EME1: variants seen among roughly 807,000 people sequenced by gnomAD.
EME1 encodes the protein essential meiotic structure-specific endonuclease 1.
EME1 carries 61 observed loss-of-function variants against 59.1 expected under a neutral mutation model. The observed-to-expected ratio is 1.03, with a 90% CI of 0.84 to 1.28. EME1 has a LOEUF of 1.28. EME1 is among the 50% of genes most tolerant of loss of function. The pLI is 0.00. For synonymous variants in EME1, 230 were observed against 254.2 expected (o/e 0.90, Z 0.90); for missense variants, 635 against 682.6 (o/e 0.93, Z 0.78).
intron 3 of EME1, among the ~76,000 whole-genome samples, chr17:50,377,578 G>A (rs766726211): frequency 3.3e-4 from 50 of 152,096 alleles, no homozygotes; most frequent in Non-Finnish European, 6.3e-4. Context: ...AGTTTCCCTT[G>A]TGATTCTTGT....
At chr17:50,376,961 G>A (rs1177737980) in intron 3 of EME1, among the ~76,000 whole-genome samples, 1 of 152,130 alleles carries the variant, frequency 6.6e-6, no homozygotes, top group Non-Finnish European at 1.5e-5. Flanking sequence ...TGTTGCCCAG[G>A]CTGGTCTTCA....
intron 2 of EME1, 38 bp downstream of exon 2, chr17:50,376,021 G>A (rs749348779): frequency 1.2e-6 from 2 of 1,607,428 alleles, no homozygotes; most frequent in East Asian, 4.5e-5. Flanking sequence ...TGAGTTATCT[G>A]CGTTCTGGAC....
chr17:50,379,041 T>C (rs1432724921), intron 5 of EME1, 66 bp from the exon 6 acceptor site: 2 of 1,613,826 alleles, frequency 1.2e-6, no homozygotes, highest in African/African-American at 1.3e-5. Flanking sequence ...GGTCCAGTCT[T>C]CTTCTGTATC....
chr17:50,379,915 ACT>A (rs1478921415), intron 7 of EME1: 3 of 304,646 alleles, frequency 9.8e-6, no homozygotes, highest in Non-Finnish European at 1.9e-5. Context: ...AGAAGTGTTC[ACT>A]GTCAGAATTT....
chr17:50,375,837 C>T lies in EME1; in HGVS notation c.629C>T (p.Ser210Leu). 6.2e-7 allele frequency: 1 copy of T among 1,614,174 alleles called. No homozygotes were observed. Among genetic ancestry groups the T allele is most frequent in the Non-Finnish European group, 8.5e-7 (1 of 1,180,034 alleles). ...KPSQKVQGRG[S>L]HGCRQQRQAR... ...AGTCAGAAGGTCCAGGGAAGAGGCT[C>T]ACACGGATGCCGGCAGCAGAGACAA... The change falls in exon 2 of 9, where the codon TCA becomes TTA. Residue 210 changes from serine to leucine, a missense_variant. By Grantham distance (145) the Ser-to-Leu change is moderately radical. Transcript: ENST00000338165.
chr17:50,379,249 C>T lies in EME1; in HGVS notation c.1230+25C>T, dbSNP rs746996439. The T allele has an allele frequency of 1.6e-5, 26 of 1,613,364 alleles. No individual in the cohort carries two copies. In the Admixed American group the frequency reaches 1.8e-4, roughly 11 times the overall value. On this transcript the variant is annotated intron_variant, in intron 6 of 8. Coordinates refer to ENST00000338165, the MANE Select transcript of EME1 (RefSeq NM_152463.4). ...GGTAAGAACGTCCTGTTGCCTGAAT[C>T]GGGCTGGGTACTCACTGGTCACCTG...
chr17:50,379,615 C>A (rs1211947321), intron 7 of EME1, 48 bp downstream of exon 7: 1 of 1,524,680 alleles, frequency 6.6e-7, no homozygotes. Flanking sequence ...CTGTCCTTTA[C>A]CATGGCTCTT....
chr17:50,376,255 G>C, intron 3 of EME1, 62 bp downstream of exon 3: 4 of 1,587,338 alleles, frequency 2.5e-6, no homozygotes, highest in Non-Finnish European at 3.4e-6. Context: ...GGATAAATAT[G>C]CTTTTATTTT....
intron 7 of EME1, chr17:50,379,852 A>C (rs1306650679): frequency 1.5e-5 from 6 of 404,354 alleles, no homozygotes; most frequent in African/African-American, 1.2e-4. Context: ...ATTACAGGTC[A>C]GATCACAATG....
rs1913814590 is a variant in EME1, at chr17:50,381,090, T to C, written c.*151T>C. ...TTGGGTCTTATTATTTGTGAAGGTCTCTCTGCCTGTCGGCTGGGGCAGAGA... is the reference window on the plus strand; with the variant it reads ...TTGGGTCTTATTATTTGTGAAGGTCCCTCTGCCTGTCGGCTGGGGCAGAGA... On this transcript the variant is annotated 3_prime_UTR_variant, in exon 9 of 9. Coordinates refer to ENST00000338165, the MANE Select transcript of EME1 (RefSeq NM_152463.4). 1 of 806,556 alleles carries C rather than the reference T, an allele frequency of 1.2e-6. No individual in the cohort carries two copies. The highest frequency in any genetic ancestry group is 2.8e-5 in the Admixed American group (1 of 35,148). 50.0% of individuals were successfully genotyped at this position (806,556 alleles called of 1,614,324 possible). A position where few individuals can be genotyped will look rare whatever the true frequency, so the allele number is the denominator to read the frequency against.
At chr17:50,378,444 A>G in intron 3 of EME1, 151 bp from the exon 4 acceptor site, 1 of 742,836 alleles carries the variant, frequency 1.3e-6, no homozygotes. Flanking sequence ...GGACAGCGAC[A>G]CTGTTTCTTG....
At position 50,375,791 on chromosome 17, in the gene EME1, C is replaced by T. The variant is rs1223629581; in HGVS notation, c.583C>T (p.Pro195Ser). 1.2e-6 allele frequency: 2 copies of T among 1,614,036 alleles called. No homozygotes were observed. Among genetic ancestry groups the T allele is most frequent in the Non-Finnish European group, 1.7e-6 (2 of 1,180,020 alleles). The change falls in exon 2 of 9, where the codon CCC becomes TCC. Residue 195 changes from proline (P) to serine (S), a missense_variant. By Grantham distance (74) the Pro-to-Ser change is moderately conservative. Coordinates refer to ENST00000338165, the MANE Select transcript of EME1 (RefSeq NM_152463.4). Reference sequence around the variant, plus strand: ...CAAAACAAATTCTGACATCCTTCCACCCCAGAAGAAAACCAAGCCGAGTCA... The same window carrying T: ...CAAAACAAATTCTGACATCCTTCCATCCCAGAAGAAAACCAAGCCGAGTCA... ...VTKTNSDILP[P>S]QKKTKPSQKV...
Position 50,378,901 on chromosome 17 carries a change from G to C in EME1, c.1112+6G>C. ...GATCAGGAGAAATGCTTCAGGTTTG[G>C]ATTTGCCCTGGTGATTTCATGTTAA... is the stretch of plus-strand genomic sequence containing the variant. On this transcript the variant is annotated splice_donor_region_variant and intron_variant, in intron 5 of 8. Coordinates refer to ENST00000338165, the MANE Select transcript of EME1 (RefSeq NM_152463.4). 6.2e-7 allele frequency: 1 copy of C among 1,614,208 alleles called. No homozygotes were observed. The highest frequency in any genetic ancestry group is 8.5e-7 in the Non-Finnish European group (1 of 1,180,042).
rs753186689 is a variant in EME1, at chr17:50,379,558, C to T, written c.1337C>T (p.Ala446Val). 13 of 1,613,902 alleles carry T rather than the reference C, an allele frequency of 8.1e-6. No individual in the cohort carries two copies. The highest frequency in any genetic ancestry group is 3.3e-5 in the South Asian group (3 of 91,028). The change falls in exon 7 of 9, where the codon GCG becomes GTG. Residue 446 changes from alanine to valine, a missense_variant. Transcript: ENST00000338165. ...GCATTCACAAAGGCTGTGGCTGAGG[C>T]GCCCTTCAAGTGAGTAACCCCAGCA... ...TCAFTKAVAE[A>V]PFKKLRDETT...
At position 50,378,844 on chromosome 17, in the gene EME1, C is replaced by T. The variant is rs199942900; in HGVS notation, c.1061C>T (p.Thr354Ile). Residue 354 changes from threonine (T) to isoleucine (I), a missense_variant, in exon 5 of 9, where the codon ACA becomes ATA. Physicochemically the swap from Thr to Ile is moderately conservative, Grantham distance 89. Coordinates refer to ENST00000338165, the MANE Select transcript of EME1 (RefSeq NM_152463.4). ...TTTGTAACTGACATCACAGCAAAGA[C>T]AGCAGGGAAAGCTCTGTCACTGGTG... is the stretch of plus-strand genomic sequence containing the variant. ...QGFVTDITAKTAGKALSLVIV... is the reference protein window; with the variant it reads ...QGFVTDITAKIAGKALSLVIV... 5.4e-5 allele frequency: 87 copies of T among 1,614,072 alleles called. 1 individual carries two copies. The highest frequency in any genetic ancestry group is 1.7e-5 in the Non-Finnish European group (20 of 1,180,016).
chr17:50,379,021 G>C, intron 5 of EME1, 86 bp from the exon 6 acceptor site: 1 of 1,612,850 alleles, frequency 6.2e-7, no homozygotes. Context: ...CAAGTCCAGG[G>C]GGATGCTCTG....
rs1170194202 is a variant in EME1 at position 50,375,358 on chromosome 17, A to G, written c.150A>G (p.Ser50=). 2 of 1,614,106 alleles carry G rather than the reference A, an allele frequency of 1.2e-6. No homozygotes were observed. The highest frequency in any genetic ancestry group is 1.3e-5 in the African/African-American group (1 of 74,938). Reference sequence around the variant, plus strand: ...AGAAGATTGTAGTGGTTGACATCTCAGATTGTGAAGCCTCCTGTCCTCCAG... The same window carrying G: ...AGAAGATTGTAGTGGTTGACATCTCGGATTGTGAAGCCTCCTGTCCTCCAG... ...REEKIVVVDI[S]DCEASCPPAP... Residue 50 remains serine, a synonymous_variant, in exon 2 of 9, where the codon TCA becomes TCG. Coordinates refer to ENST00000338165, the MANE Select transcript of EME1 (RefSeq NM_152463.4).
At chr17:50,374,127 G>T (rs1913312843) in intron 1 of EME1, among the ~76,000 whole-genome samples, 1 of 152,222 alleles carries the variant, frequency 6.6e-6, no homozygotes, top group South Asian at 2.1e-4. Flanking sequence ...TCTTTTTGAG[G>T]TGATAAAATA....
chr17:50,379,783 A>G (rs1034283886), intron 7 of EME1: 7 of 533,864 alleles, frequency 1.3e-5, no homozygotes, highest in African/African-American at 7.6e-5. Context: ...ATATGTAAGT[A>G]TGTGTTCTGC....
Sources: gnomAD v4.1 joint callset for allele counts (sites outside exome capture counted in the v4.1 genomes callset) on GRCh38, gnomAD v4.1.1 for gene constraint, MANE v1.5 for transcripts, NCBI Gene and HGNC (gene_info 2026-07-23, HGNC 2026-07-21) for gene names.